Variants in SPATA6 observed in about 807,000 individuals in gnomAD.
SPATA6 encodes spermatogenesis associated 6, also known as spermatogenesis-associated protein 6.
A neutral mutation model predicts 65.3 loss-of-function variants in SPATA6; 56 were observed. The observed-to-expected ratio is 0.86, with a 90% CI of 0.69 to 1.07. The LOEUF (loss-of-function observed/expected upper bound fraction) is 1.07, where lower values mean the gene tolerates loss of function less well. SPATA6 is among the 50% of genes least tolerant of loss of function. SPATA6 has a pLI of 0.00. For synonymous variants in SPATA6, 199 were observed against 213.2 expected (o/e 0.93, Z 0.58); for missense variants, 590 against 594.8 (o/e 0.99, Z 0.08).
chr1:48,347,582 T>C (rs1288608964), intron 11 of SPATA6, among the ~76,000 whole-genome samples: 1 of 149,806 alleles, frequency 6.7e-6, no homozygotes, highest in Admixed American at 6.7e-5. Flanking sequence ...TATAAAAGTA[T>C]ATATTTTAAC....
At position 48,298,897 on chromosome 1, in the gene SPATA6, T is replaced by C; in HGVS notation, c.1287-4A>G. 6.2e-7 allele frequency: 1 copy of C among 1,609,620 alleles called. No individual in the cohort carries two copies. On this transcript the variant is annotated splice_region_variant and splice_polypyrimidine_tract_variant and intron_variant, in intron 12 of 12. Coordinates refer to ENST00000371847, the MANE Select transcript of SPATA6 (RefSeq NM_019073.4). ...GCCACGTGGCTGCTGACATGAGCTA[T>C]AAAAAGGGATATAAAAGGTTCAAAA...
chr1:48,422,805 TA>T, intron 3 of SPATA6, among the ~76,000 whole-genome samples: 1 of 152,252 alleles, frequency 6.6e-6, no homozygotes, highest in Admixed American at 6.5e-5. Flanking sequence ...CAATGTCAAC[TA>T]AAAACAGGCA....
intron 8 of SPATA6, among the ~76,000 whole-genome samples, chr1:48,388,949 G>C (rs1489021499): frequency 6.6e-6 from 1 of 152,030 alleles, no homozygotes; most frequent in Non-Finnish European, 1.5e-5. Context: ...ACAATGGTGT[G>C]ATCTTTGCTC....
At position 48,381,686 on chromosome 1, in the gene SPATA6, T is replaced by C. The variant is rs553339606; in HGVS notation, c.909+3623A>G. On this transcript the variant is annotated intron_variant, in intron 9 of 12. Coordinates refer to ENST00000371847, the MANE Select transcript of SPATA6 (RefSeq NM_019073.4). ...TTTATATGAATAGTTAAATTTTTTT[T>C]CTTTTTTTTTTTAATTAATTTATTT... Among the ~76,000 whole-genome samples the C allele has an allele frequency of 6.7e-4, 12 of 17,788 alleles. 1 individual carries two copies. The highest frequency in any genetic ancestry group is 2.7e-3 in the Admixed American group (3 of 1,130). The allele number at this position is 17,788 out of a possible 152,430, so 11.7% of individuals were successfully genotyped here.
At chr1:48,397,391 C>A (rs1166737150) in intron 7 of SPATA6, among the ~76,000 whole-genome samples, 1 of 151,712 alleles carries the variant, frequency 6.6e-6, no homozygotes, top group African/African-American at 2.4e-5. Flanking sequence ...TCTTATTCTG[C>A]ATAAATGGAA....
chr1:48,390,873 C>G (rs1368036750), intron 8 of SPATA6, among the ~76,000 whole-genome samples: 3 of 152,146 alleles, frequency 2.0e-5, no homozygotes, highest in African/African-American at 7.2e-5. Flanking sequence ...AAGATATTTT[C>G]TAGGTACCCT....
chr1:48,399,508 T>C lies in SPATA6; in HGVS notation c.623A>G (p.Gln208Arg), dbSNP rs1182065406. 1.2e-6 allele frequency: 2 copies of C among 1,613,332 alleles called. No homozygotes were observed. The highest frequency in any genetic ancestry group is 1.7e-6 in the Non-Finnish European group (2 of 1,179,492). ...KYCINAKNYE[Q>R]PTISSKSHSP... ...GTGTGATTTTGAAGAAATTGTAGGC[T>C]GTTCGTAGTTTTTTGCATTTATACA... Residue 208 changes from glutamine to arginine, a missense_variant, in exon 7 of 13, where the codon CAG (glutamine) becomes CGG (arginine). By Grantham distance (43) the Gln-to-Arg change is conservative. Transcript: ENST00000371847.
intron 11 of SPATA6, among the ~76,000 whole-genome samples, chr1:48,324,731 T>C (rs1645705341): frequency 6.6e-6 from 1 of 152,036 alleles, no homozygotes; most frequent in African/African-American, 2.4e-5. Flanking sequence ...GACCCACAGC[T>C]AGTATCATAC....
At chr1:48,464,500 C>G (rs905218386) in intron 1 of SPATA6, among the ~76,000 whole-genome samples, 6 of 152,076 alleles carry the variant, frequency 3.9e-5, no homozygotes, top group Admixed American at 1.3e-4. Context: ...CTCATAGGAG[C>G]ACAATTTGTA....
intron 1 of SPATA6, among the ~76,000 whole-genome samples, chr1:48,468,686 A>G (rs1657991318): frequency 6.6e-6 from 1 of 152,050 alleles, no homozygotes; most frequent in African/African-American, 2.4e-5. Context: ...AAACCAACTG[A>G]GGAAAAAAAA....
At chr1:48,434,349 C>T (rs1223365217) in intron 3 of SPATA6, among the ~76,000 whole-genome samples, 1 of 150,942 alleles carries the variant, frequency 6.6e-6, no homozygotes, top group East Asian at 2.0e-4. Context: ...AATAATATGT[C>T]AGTGCTAGAA....
At chr1:48,293,530 G>A (rs749256563), downstream of SPATA6, among the ~76,000 whole-genome samples, 42 of 152,028 alleles carry the variant, frequency 2.8e-4, no homozygotes, top group Non-Finnish European at 3.2e-4. Context: ...CCATCTTGTT[G>A]GTAATACTTC....
At chr1:48,371,534 T>C (rs1403780600) in intron 9 of SPATA6, among the ~76,000 whole-genome samples, 1 of 152,210 alleles carries the variant, frequency 6.6e-6, no homozygotes, top group Non-Finnish European at 1.5e-5. Context: ...TTGAAATCAG[T>C]GGCTGGACAT....
intron 9 of SPATA6, among the ~76,000 whole-genome samples, chr1:48,363,289 T>A (rs990337667): frequency 1.3e-5 from 2 of 152,268 alleles, no homozygotes; most frequent in Non-Finnish European, 2.9e-5. Flanking sequence ...GTTAGATCAT[T>A]TCCTTTCAAA....
intron 3 of SPATA6, among the ~76,000 whole-genome samples, chr1:48,429,378 G>A (rs1654190298): frequency 6.6e-6 from 1 of 152,016 alleles, no homozygotes; most frequent in Non-Finnish European, 1.5e-5. Flanking sequence ...GACCATACAT[G>A]CTCAGGGGAA....
chr1:48,306,289 T>A (rs945614122), intron 11 of SPATA6, among the ~76,000 whole-genome samples: 1 of 151,920 alleles, frequency 6.6e-6, no homozygotes, highest in African/African-American at 2.4e-5. Flanking sequence ...CATGCACCTA[T>A]GACTTACAAA....
the SPATA6 span, among the ~76,000 whole-genome samples, chr1:48,275,259 T>C: frequency 6.6e-6 from 1 of 152,216 alleles, no homozygotes; most frequent in African/African-American, 2.4e-5. Context: ...TGGGGTTTTC[T>C]AAATATACAA....
At position 48,453,084 on chromosome 1, in the gene SPATA6, A is replaced by C. The variant is rs1656722584; in HGVS notation, c.99T>G (p.Leu33=). 6.2e-7 allele frequency: 1 copy of C among 1,613,790 alleles called. No homozygotes were observed. ...TGTATTGGCCAAACACACAGATGCT[A>C]AGATAGATGTCCTCTTTGTCTTTAA... ...VVLKDKEDIY[L]SICVFGQYKK... is the part of the protein sequence containing the mutation. The change falls in exon 2 of 13, where the codon CTT becomes CTG. Residue 33 remains leucine, a synonymous_variant. Transcript: ENST00000371847.
chr1:48,464,503 A>C (rs1450362629), intron 1 of SPATA6, among the ~76,000 whole-genome samples: 1 of 152,234 alleles, frequency 6.6e-6, no homozygotes, highest in Non-Finnish European at 1.5e-5. Flanking sequence ...ATAGGAGCAC[A>C]ATTTGTAATA....
Sources: allele counts gnomAD v4.1 joint callset (sites outside exome capture counted in the v4.1 genomes callset), GRCh38; gene constraint gnomAD v4.1.1; transcripts MANE v1.5; gene names NCBI Gene and HGNC (gene_info 2026-07-23, HGNC 2026-07-21).